The following IQCK variants were observed in gnomAD, a reference collection of about 807,000 sequenced individuals.
IQCK encodes IQ domain-containing protein K.
A neutral mutation model predicts 28.1 loss-of-function variants in IQCK; 29 were observed. That is an observed-to-expected ratio of 1.03 (90% confidence interval 0.77 to 1.41). The LOEUF is 1.41. Among genes scored for constraint, IQCK ranks in the 40% most tolerant of loss-of-function variants. The pLI is 0.00. For synonymous variants in IQCK, 113 were observed against 115.1 expected, an observed-to-expected ratio of 0.98 and a Z score of 0.12; for missense variants, 359 against 314.7, an observed-to-expected ratio of 1.14 and a Z score of -1.07.
chr16:19,820,404 C>T (rs2056055234), intron 7 of IQCK, among the ~76,000 whole-genome samples: 1 of 152,118 alleles, frequency 6.6e-6, no homozygotes, highest in South Asian at 2.1e-4. Flanking sequence ...AATCCCAGCA[C>T]TTTGGGAGGC....
At chr16:19,775,672 C>G (rs912740069) in intron 6 of IQCK, among the ~76,000 whole-genome samples, 4 of 152,128 alleles carry the variant, frequency 2.6e-5, no homozygotes, top group African/African-American at 9.7e-5. Flanking sequence ...CCTCTTACCT[C>G]TGAGGTCACT....
At chr16:19,759,213 A>G (rs1057242650) in intron 4 of IQCK, among the ~76,000 whole-genome samples, 46 of 151,760 alleles carry the variant, frequency 3.0e-4, no homozygotes, top group African/African-American at 1.1e-3. Context: ...AAAATTAATT[A>G]TTATTATTAT....
At chr16:19,782,407 G>A (rs1206979366) in intron 6 of IQCK, among the ~76,000 whole-genome samples, 1 of 151,576 alleles carries the variant, frequency 6.6e-6, no homozygotes, top group East Asian at 1.9e-4. Context: ...GAAAAGAAAA[G>A]TGAAGAGCCT....
intron 4 of IQCK, among the ~76,000 whole-genome samples, chr16:19,760,414 A>G (rs1223333479): frequency 6.6e-6 from 1 of 152,138 alleles, no homozygotes; most frequent in Admixed American, 6.6e-5. Context: ...TGTCTACCCA[A>G]CAGCATCTCT....
At chr16:19,763,602 C>T (rs1443762707) in intron 4 of IQCK, among the ~76,000 whole-genome samples, 2 of 152,158 alleles carry the variant, frequency 1.3e-5, no homozygotes, top group Non-Finnish European at 2.9e-5. Flanking sequence ...ACCACCACGC[C>T]TGGCTAATTT....
At chr16:19,804,977 C>G (rs1451086916) in intron 7 of IQCK, among the ~76,000 whole-genome samples, 1 of 152,096 alleles carries the variant, frequency 6.6e-6, no homozygotes, top group Non-Finnish European at 1.5e-5. Context: ...CATTGTTGGT[C>G]TGCTTTCCCC....
At chr16:19,814,620 C>T (rs963027989) in intron 7 of IQCK, among the ~76,000 whole-genome samples, 1 of 152,048 alleles carries the variant, frequency 6.6e-6, no homozygotes, top group Non-Finnish European at 1.5e-5. Flanking sequence ...AAAAAGAAAT[C>T]TGCCTTTATG....
Position 19,746,735 on chromosome 16 carries a change from A to AC in IQCK, c.474+11288dup, listed in dbSNP as rs567072016. 5.9e-3 allele frequency among the ~76,000 whole-genome samples: 899 copies of AC among 152,274 alleles called. 6 individuals carry two copies. The highest frequency in any genetic ancestry group is 0.011 in the Non-Finnish European group (726 of 68,024). On this transcript the variant is annotated intron_variant, in intron 4 of 7. Transcript: ENST00000564186. The stretch of plus-strand genomic sequence containing the variant: ...GTCAGCAGGCTCTGACCTGAGGGTG[A>AC]CCCAATGGTTCTTTAACAAAGTGAA...
At chr16:19,730,627 A>G (rs1468427424) in intron 2 of IQCK, 133 bp downstream of exon 2, 4 of 554,272 alleles carry the variant, frequency 7.2e-6, no homozygotes, top group Non-Finnish European at 1.2e-5. Context: ...AGAACCAGAA[A>G]CTTGGGGCCA....
chr16:19,828,740 G>A (rs2056185637), downstream of IQCK, among the ~76,000 whole-genome samples: 1 of 149,430 alleles, frequency 6.7e-6, no homozygotes, highest in Non-Finnish European at 1.5e-5. Context: ...AGCCGGGCAT[G>A]GTGGCGGGCA....
chr16:19,727,654 A>G (rs571928048), intron 1 of IQCK, among the ~76,000 whole-genome samples: 15 of 150,442 alleles, frequency 1.0e-4, no homozygotes, highest in South Asian at 6.5e-4. Flanking sequence ...TAGGGTTGCA[A>G]TAGGATTAGG....
At chr16:19,798,605 T>G (rs2055719486) in intron 7 of IQCK, among the ~76,000 whole-genome samples, 1 of 49,410 alleles carries the variant, frequency 2.0e-5, no homozygotes, top group Non-Finnish European at 2.9e-5. Context: ...GAAAAGACTG[T>G]CCTATGTCAG....
At chr16:19,728,768 T>C (rs1977738312) in intron 1 of IQCK, among the ~76,000 whole-genome samples, 1 of 152,218 alleles carries the variant, frequency 6.6e-6, no homozygotes. Flanking sequence ...TACACAATAA[T>C]AGAAAACGAA....
chr16:19,822,141 A>G (rs2056082765), intron 7 of IQCK, among the ~76,000 whole-genome samples: 1 of 150,602 alleles, frequency 6.6e-6, no homozygotes. Flanking sequence ...TAATCCCCGC[A>G]CTTTGGGAGG....
At chr16:19,745,026 A>G (rs4782276) in intron 4 of IQCK, among the ~76,000 whole-genome samples, 59,082 of 152,142 alleles carry the variant, frequency 0.39, 17,462 homozygotes, top group African/African-American at 0.83. Flanking sequence ...GGAAGATGGG[A>G]AAGAGATGAA....
chr16:19,834,277 C>G (rs1423661348), intron 9 of IQCK, among the ~76,000 whole-genome samples: 2 of 152,164 alleles, frequency 1.3e-5, no homozygotes, highest in South Asian at 2.1e-4. Flanking sequence ...CACATGGTAT[C>G]TCAGAGAGGT....
intron 6 of IQCK, among the ~76,000 whole-genome samples, chr16:19,768,648 A>T (rs2055276581): frequency 6.6e-6 from 1 of 152,200 alleles, no homozygotes. Context: ...CGGAAGGCTG[A>T]GGCAGGAGAT....
At chr16:19,770,904 T>A (rs2151717681) in intron 6 of IQCK, among the ~76,000 whole-genome samples, 1 of 152,352 alleles carries the variant, frequency 6.6e-6, no homozygotes, top group African/African-American at 2.4e-5. Flanking sequence ...ATTACAGGCG[T>A]GAGCCATCTC....
chr16:19,783,218 C>T (rs984647635), intron 6 of IQCK, among the ~76,000 whole-genome samples: 14 of 151,988 alleles, frequency 9.2e-5, no homozygotes, highest in Non-Finnish European at 1.5e-4. Flanking sequence ...AGGCTGGTCT[C>T]GAACTCCTGA....
Sources: gnomAD v4.1 joint callset for allele counts (sites outside exome capture counted in the v4.1 genomes callset) on GRCh38, gnomAD v4.1.1 for gene constraint, MANE v1.5 for transcripts, NCBI Gene and HGNC (gene_info 2026-07-23, HGNC 2026-07-21) for gene names.